Variants in ANK2 observed in about 807,000 individuals in gnomAD.
ANK2 encodes ankyrin-2.
In ANK2, 83 loss-of-function variants were observed where a neutral mutation model predicts 360.5. The ratio of observed to expected loss-of-function variants is 0.23; its 90% CI spans 0.19 to 0.28. The LOEUF (loss-of-function observed/expected upper bound fraction) is 0.28, where lower values mean the gene tolerates loss of function less well. Ranked by LOEUF, ANK2 falls within the 10% of genes least tolerant of loss-of-function variation. The pLI is 1.00. For missense variants in ANK2, 4,201 were observed against 4,795.7 expected, an observed-to-expected ratio of 0.88 and a Z score of 3.66; for synonymous variants, 1,740 against 1,759.5, an observed-to-expected ratio of 0.99 and a Z score of 0.28.
intron 1 of ANK2, among the ~76,000 whole-genome samples, chr4:112,878,220 A>G (rs892343885): frequency 3.4e-5 from 5 of 145,580 alleles, no homozygotes; most frequent in Admixed American, 3.4e-4. Context: ...CGGCTGTCCA[A>G]TTGATACCTC....
intron 2 of ANK2, among the ~76,000 whole-genome samples, chr4:113,181,547 T>A (rs1458760508): frequency 6.6e-6 from 1 of 152,066 alleles, no homozygotes. Flanking sequence ...AAGCTCACAA[T>A]CTACAACCTG....
chr4:112,934,457 C>T (rs1014661311), intron 2 of ANK2, among the ~76,000 whole-genome samples: 6 of 152,116 alleles, frequency 3.9e-5, no homozygotes, highest in African/African-American at 7.2e-5. Context: ...CTTCTCCCTC[C>T]GGTCTCCTAA....
At chr4:113,180,172 A>G (rs1312861716) in intron 2 of ANK2, among the ~76,000 whole-genome samples, 1 of 152,244 alleles carries the variant, frequency 6.6e-6, no homozygotes, top group East Asian at 1.9e-4. Context: ...CTCACACAGT[A>G]TGACTCAGAC....
upstream of ANK2, chr4:113,049,496 A>G (rs1427163940): frequency 2.3e-6 from 1 of 437,264 alleles, no homozygotes; most frequent in East Asian, 1.6e-4. Flanking sequence ...GGCTTTCTTC[A>G]TTGTAACCGG....
chr4:112,796,569 C>T, the ANK2 span, among the ~76,000 whole-genome samples: 5 of 151,638 alleles, frequency 3.3e-5, no homozygotes, highest in African/African-American at 7.3e-5. Context: ...AGGCTGGTCT[C>T]GAACTTCTGG....
At chr4:113,274,691 C>A (rs201042776) in intron 15 of ANK2, 42 bp downstream of exon 15, 1 of 1,603,472 alleles carries the variant, frequency 6.2e-7, no homozygotes, top group African/African-American at 1.3e-5. Flanking sequence ...CAAGAGGATT[C>A]CTAAGTCATG....
Position 112,992,383 on chromosome 4 carries a change from A to T in ANK2, c.21+87869A>T, listed in dbSNP as rs181258670. Among the ~76,000 whole-genome samples, 314 of 152,196 alleles carry T rather than the reference A, an allele frequency of 2.1e-3. 1 individual carries two copies. The highest frequency in any genetic ancestry group is 3.4e-3 in the Non-Finnish European group (233 of 68,008). ...AGTCTTGAACTCCTGACCTCAAGTG[A>T]TCCACCCTCCTTGGCCTCCCAAAGT... On this transcript the variant is annotated intron_variant, in intron 2 of 30. Coordinates refer to the ANK2 transcript ENST00000503271.
chr4:112,848,109 A>ATTATT (rs908259216), intron 1 of ANK2, among the ~76,000 whole-genome samples: 1 of 152,106 alleles, frequency 6.6e-6, no homozygotes, highest in Admixed American at 6.6e-5. Context: ...AGAAAAATCA[A>ATTATT]TTATTTTATT....
intron 24 of ANK2, 86 bp downstream of exon 24, chr4:113,311,485 A>G (rs1416368772): frequency 9.2e-6 from 14 of 1,514,412 alleles, no homozygotes; most frequent in African/African-American, 1.4e-5. Flanking sequence ...AGATGCAATT[A>G]TTGAGCATTT....
In ANK2 at chr4:113,382,626, CTTT is replaced by C. The variant is rs531092201; in HGVS notation, c.*1164_*1166del. 1 of 144,206 alleles carries C rather than the reference CTTT, an allele frequency of 6.9e-6. No homozygotes were observed. The highest frequency in any genetic ancestry group is 1.5e-5 in the Non-Finnish European group (1 of 65,416). 8.9% of individuals were successfully genotyped at this position (144,206 alleles called of 1,614,324 possible). A position where few individuals can be genotyped will look rare whatever the true frequency, so the allele number is the denominator to read the frequency against. The stretch of plus-strand genomic sequence containing the variant: ...CTCCTTCAGTATGTTGGAGTGGTTT[CTTT>C]TTTTTTTTCTTTCTTTCTTTTTTTT... On this transcript the variant is annotated 3_prime_UTR_variant, in exon 46 of 46. Coordinates refer to ENST00000357077, the MANE Select transcript of ANK2 (RefSeq NM_001148.6).
At chr4:113,156,147 T>C (rs2097280173) in intron 1 of ANK2, among the ~76,000 whole-genome samples, 1 of 152,106 alleles carries the variant, frequency 6.6e-6, no homozygotes, top group Non-Finnish European at 1.5e-5. Flanking sequence ...AAATAATGAA[T>C]ATTAAAGGCA....
chr4:112,940,720 C>T (rs1411735078), intron 2 of ANK2, among the ~76,000 whole-genome samples: 1 of 151,974 alleles, frequency 6.6e-6, no homozygotes, highest in African/African-American at 2.4e-5. Context: ...ACAAAAAGAC[C>T]CAAAGTGAAG....
intron 20 of ANK2, among the ~76,000 whole-genome samples, chr4:113,290,559 G>T (rs1423214693): frequency 6.6e-6 from 1 of 152,130 alleles, no homozygotes; most frequent in African/African-American, 2.4e-5. Context: ...AATTTGTGAA[G>T]AGGGTTTAGA....
chr4:112,928,898 G>C (rs1054840748), intron 2 of ANK2, among the ~76,000 whole-genome samples: 3 of 136,050 alleles, frequency 2.2e-5, no homozygotes, highest in Non-Finnish European at 4.6e-5. Context: ...TGTGGCCCAG[G>C]TTGGAGTGCA....
intron 2 of ANK2, among the ~76,000 whole-genome samples, chr4:113,190,591 T>A (rs2098644453): frequency 6.6e-6 from 1 of 152,134 alleles, no homozygotes; most frequent in African/African-American, 2.4e-5. Context: ...AATGAGAAGT[T>A]GAGGTCTAAA....
chr4:112,843,834 T>G (rs1267509553), intron 1 of ANK2, among the ~76,000 whole-genome samples: 1 of 152,196 alleles, frequency 6.6e-6, no homozygotes, highest in Non-Finnish European at 1.5e-5. Flanking sequence ...ATATTGGAGC[T>G]GATTCTAAAT....
intron 4 of ANK2, among the ~76,000 whole-genome samples, chr4:113,223,028 C>G (rs1329149014): frequency 6.6e-6 from 1 of 152,142 alleles, no homozygotes; most frequent in Non-Finnish European, 1.5e-5. Flanking sequence ...ATTTTTGTGA[C>G]TACAATTAGT....
intron 1 of ANK2, among the ~76,000 whole-genome samples, chr4:113,076,160 G>A (rs2079859984): frequency 6.6e-6 from 1 of 152,104 alleles, no homozygotes; most frequent in Non-Finnish European, 1.5e-5. Flanking sequence ...AAATGTCTTG[G>A]GCTACACATA....
intron 1 of ANK2, among the ~76,000 whole-genome samples, chr4:113,104,882 A>C (rs933924478): frequency 1.3e-5 from 2 of 152,158 alleles, no homozygotes. Flanking sequence ...TAATTTAGGT[A>C]ATAGTATAGT....
Sources: gnomAD v4.1 joint callset for allele counts (sites outside exome capture counted in the v4.1 genomes callset) on GRCh38, gnomAD v4.1.1 for gene constraint, MANE v1.5 for transcripts, NCBI Gene and HGNC (gene_info 2026-07-23, HGNC 2026-07-21) for gene names.